Variants in STC2 observed in about 807,000 individuals in gnomAD.
STC2 encodes the protein stanniocalcin-2.
STC2 carries 7 observed loss-of-function variants against 22.7 expected under a neutral mutation model. The observed-to-expected ratio is 0.31, with a 90% CI of 0.18 to 0.58. The LOEUF is 0.58. Among genes scored for constraint, STC2 ranks in the 20% least tolerant of loss-of-function variants. The probability of loss-of-function intolerance (pLI) is 0.89; values close to 1 mark genes in which losing one functional copy is unlikely to be tolerated. For synonymous variants in STC2, 158 were observed against 163.4 expected (o/e 0.97, Z 0.25); for missense variants, 336 against 406.2 (o/e 0.83, Z 1.48).
chr5:173,319,339 G>T (rs545935351), intron 3 of STC2, among the ~76,000 whole-genome samples: 5 of 152,206 alleles, frequency 3.3e-5, no homozygotes, highest in Admixed American at 6.5e-5. Flanking sequence ...CCCCCCAAGG[G>T]GGGTATAGAA....
Position 173,323,118 on chromosome 5 carries a change from A to T in STC2, c.506+101T>A. ...TAAATGGAAGCCTTCTCCATTTGAC[A>T]GGCATTCAGCCTCTAGAAGCAACGC... On this transcript the variant is annotated intron_variant, in intron 3 of 3. Coordinates refer to ENST00000265087, the MANE Select transcript of STC2 (RefSeq NM_003714.3). The surrounding 1 kb of genome is among the most constrained non-coding windows in gnomAD (Gnocchi z 5.4). The T allele has an allele frequency of 9.1e-7, 1 of 1,101,240 alleles. No individual in the cohort carries two copies. The highest frequency in any genetic ancestry group is 1.4e-6 in the Non-Finnish European group (1 of 736,958). The allele number at this position is 1,101,240 out of a possible 1,614,324, so 68.2% of individuals were successfully genotyped here.
Position 173,323,565 on chromosome 5 carries a change from C to A in STC2, c.295-135G>T. On this transcript the variant is annotated intron_variant, in intron 2 of 3. Coordinates refer to ENST00000265087, the MANE Select transcript of STC2 (RefSeq NM_003714.3). The surrounding 1 kb of genome is among the most constrained non-coding windows in gnomAD (Gnocchi z 5.4). The stretch of plus-strand genomic sequence containing the variant: ...CAGAACCCCAAGGCCCCACCAGAGA[C>A]GGACGTCCTCCCAGGTGACAGGCAA... 1.2e-6 allele frequency: 1 copy of A among 843,370 alleles called. No homozygotes were observed. The allele number at this position is 843,370 out of a possible 1,614,324, so 52.2% of individuals were successfully genotyped here. A position where few individuals can be genotyped will look rare whatever the true frequency, so the allele number is the denominator to read the frequency against.
chr5:173,324,024 C>T (rs940820937), intron 2 of STC2: 1 of 155,416 alleles, frequency 6.4e-6, no homozygotes, highest in African/African-American at 2.4e-5. Context: ...CGCTCTTTTC[C>T]TTTTTGAAAA....
rs1055307108 is a variant in STC2 at position 173,316,509 on chromosome 5, G to C, written c.*1338C>G. The C allele has an allele frequency of 6.6e-6, 1 of 152,004 alleles. No individual in the cohort carries two copies. The allele number at this position is 152,004 out of a possible 1,614,324, so 9.4% of individuals were successfully genotyped here. On this transcript the variant is annotated 3_prime_UTR_variant, in exon 4 of 4. Transcript: ENST00000265087. ...AATAACCCAAGAAACCCACTGCTGA[G>C]ACTTTTAATGAAAATCCTCACTCTC... is the stretch of plus-strand genomic sequence containing the variant.
At position 173,315,720 on chromosome 5, in the gene STC2, C is replaced by T. The variant is rs1472744096; in HGVS notation, c.*2127G>A. 2.0e-5 allele frequency: 3 copies of T among 152,232 alleles called. No homozygotes were observed. Among genetic ancestry groups the T allele is most frequent in the Non-Finnish European group, 2.9e-5 (2 of 68,052 alleles). 9.4% of individuals were successfully genotyped at this position (152,232 alleles called of 1,614,324 possible). A position where few individuals can be genotyped will look rare whatever the true frequency, so the allele number is the denominator to read the frequency against. ...AGTCAACGTGCCTGCCGCGGTGGCT[C>T]ACTGCAGGAGACAGCCACGGTTTAC... On this transcript the variant is annotated 3_prime_UTR_variant, in exon 4 of 4. Transcript: ENST00000265087.
chr5:173,323,428 G>T lies in STC2; in HGVS notation c.297C>A (p.Gly99=). The T allele has an allele frequency of 6.2e-7, 1 of 1,608,958 alleles. No homozygotes were observed. Among genetic ancestry groups the T allele is most frequent in the Non-Finnish European group, 8.5e-7 (1 of 1,177,454 alleles). Residue 99 remains glycine, a splice_region_variant and synonymous_variant, in exon 3 of 4, where the codon GGC becomes GGA. Coordinates refer to ENST00000265087, the MANE Select transcript of STC2 (RefSeq NM_003714.3). The surrounding 1 kb of genome is among the most constrained non-coding windows in gnomAD (Gnocchi z 5.4). The part of the protein sequence containing the change: ...LHNAGKFDAQ[G]KSFIKDALKC... ...TCAAGGCGTCTTTGATGAATGACTT[G>T]CCCTGAGAACACACAGGCCGGGGAA... is the stretch of plus-strand genomic sequence containing the variant.
chr5:173,320,720 G>T (rs1762474634), intron 3 of STC2, among the ~76,000 whole-genome samples: 1 of 150,196 alleles, frequency 6.7e-6, no homozygotes, highest in African/African-American at 2.5e-5. Context: ...GTGTGGATGG[G>T]GGTTGGGTTG....
chr5:173,323,968 C>A lies in STC2; in HGVS notation c.295-538G>T, dbSNP rs1377818987. ...TCCCTTTCTGCCTCCGTGCCTCCCACGCCCCAAATCCATACCCTTGTCTCC... is the reference window on the plus strand; with the variant it reads ...TCCCTTTCTGCCTCCGTGCCTCCCAAGCCCCAAATCCATACCCTTGTCTCC... On this transcript the variant is annotated intron_variant, in intron 2 of 3. Transcript: ENST00000265087. This position sits in a 1 kb window ranked among gnomAD's most constrained non-coding sequence, Gnocchi z 5.4. 1 of 167,620 alleles carries A rather than the reference C, an allele frequency of 6.0e-6. No homozygotes were observed. Among genetic ancestry groups the A allele is most frequent in the Non-Finnish European group, 1.3e-5 (1 of 76,862 alleles). The allele number at this position is 167,620 out of a possible 1,614,324, so 10.4% of individuals were successfully genotyped here. A position where few individuals can be genotyped will look rare whatever the true frequency, so the allele number is the denominator to read the frequency against.
At chr5:173,318,818 C>T (rs572508911) in intron 3 of STC2, among the ~76,000 whole-genome samples, 1 of 152,292 alleles carries the variant, frequency 6.6e-6, no homozygotes, top group East Asian at 1.9e-4. Flanking sequence ...GTTTAGGCTT[C>T]TGATGAAGAA....
rs757868692 is a variant in STC2 at position 173,323,479 on chromosome 5, A to G, written c.295-49T>C. 3.3e-6 allele frequency: 5 copies of G among 1,508,342 alleles called. No individual in the cohort carries two copies. The Admixed American group carries it at 7.7e-5, about 23-fold the overall frequency. The allele number at this position is 1,508,342 out of a possible 1,614,324, so 93.4% of individuals were successfully genotyped here. A position where few individuals can be genotyped will look rare whatever the true frequency, so the allele number is the denominator to read the frequency against. On this transcript the variant is annotated intron_variant, in intron 2 of 3. Transcript: ENST00000265087. The surrounding 1 kb of genome is among the most constrained non-coding windows in gnomAD (Gnocchi z 5.4). ...GGGAGAGAGGGGCAGAAAGCAGAAG[A>G]CCTCGTTACATGCTTGGACATTTCA...
Position 173,323,146 on chromosome 5 carries a change from C to T in STC2, c.506+73G>A. ...CATTCAGCCTCTAGAAGCAACGCGG[C>T]TCTCCTCCCATACACATTGCCATCC... On this transcript the variant is annotated intron_variant, in intron 3 of 3. Transcript: ENST00000265087. This position sits in a 1 kb window ranked among gnomAD's most constrained non-coding sequence, Gnocchi z 5.4. 6.8e-7 allele frequency: 1 copy of T among 1,469,878 alleles called. No homozygotes were observed. Among genetic ancestry groups the T allele is most frequent in the Non-Finnish European group, 9.5e-7 (1 of 1,053,970 alleles). 91.1% of individuals were successfully genotyped at this position (1,469,878 alleles called of 1,614,324 possible).
intron 1 of STC2, among the ~76,000 whole-genome samples, chr5:173,327,829 CA>C (rs1561644851): frequency 6.6e-6 from 1 of 152,246 alleles, no homozygotes; most frequent in Non-Finnish European, 1.5e-5. Flanking sequence ...CCAGCCATTT[CA>C]TCACCCTGCT....
rs1762535311 is a variant in STC2 at position 173,325,471 on chromosome 5, C to T, written c.294+397G>A. Among the ~76,000 whole-genome samples the T allele has an allele frequency of 6.6e-6, 1 of 152,156 alleles. No homozygotes were observed. The stretch of plus-strand genomic sequence containing the variant: ...GTCCTGAGTTATTCGGGTTGGCTGC[C>T]CACACACCACATGACGGATTTCTAC... On this transcript the variant is annotated intron_variant, in intron 2 of 3. Coordinates refer to ENST00000265087, the MANE Select transcript of STC2 (RefSeq NM_003714.3). The surrounding 1 kb of genome is among the most constrained non-coding windows in gnomAD (Gnocchi z 4.7).
intron 1 of STC2, among the ~76,000 whole-genome samples, chr5:173,326,269 T>A (rs1280138074): frequency 6.6e-6 from 1 of 152,226 alleles, no homozygotes; most frequent in Non-Finnish European, 1.5e-5. Flanking sequence ...AAGGCTGGTC[T>A]GAGCATTCCT....
At chr5:173,322,551 T>C (rs538092874) in intron 3 of STC2, among the ~76,000 whole-genome samples, 1 of 152,344 alleles carries the variant, frequency 6.6e-6, no homozygotes, top group East Asian at 1.9e-4. Flanking sequence ...AGGGCACTAA[T>C]GTATGAGAGA....
In STC2 at chr5:173,317,940, G is replaced by C. The variant is rs763092739; in HGVS notation, c.816C>G (p.Ala272=). The C allele has an allele frequency of 1.4e-5, 22 of 1,613,366 alleles. No individual in the cohort carries two copies. In the South Asian group the frequency reaches 2.1e-4, roughly 15 times the overall value. Residue 272 remains alanine, a synonymous_variant, in exon 4 of 4, where the codon GCC becomes GCG. Coordinates refer to ENST00000265087, the MANE Select transcript of STC2 (RefSeq NM_003714.3). ...RGSKSHPNAH[A]RGRVGGLGAQ... ...CCCCAAGGCCCCCGACTCTGCCTCG[G>C]GCATGGGCGTTTGGGTGGCTCTTGC...
chr5:173,321,996 T>C (rs1006483691), intron 3 of STC2, among the ~76,000 whole-genome samples: 1 of 152,220 alleles, frequency 6.6e-6, no homozygotes, highest in African/African-American at 2.4e-5. Flanking sequence ...AATTGTATGA[T>C]TCTAACACTG....
At chr5:173,322,487 T>TAGA (rs141643318) in intron 3 of STC2, among the ~76,000 whole-genome samples, 1 of 152,382 alleles carries the variant, frequency 6.6e-6, no homozygotes, top group African/African-American at 2.4e-5. Context: ...TGTTTTGGCA[T>TAGA]AGAAGTGTTT....
Position 173,317,135 on chromosome 5 carries a change from G to A in STC2, c.*712C>T, listed in dbSNP as rs571764274. On this transcript the variant is annotated 3_prime_UTR_variant, in exon 4 of 4. Transcript: ENST00000265087. ...CTGGATAAATAAAAAAAGTGAAATC[G>A]AGATTTGAAGCAGTGGTTAAAATAT... 19 of 152,378 alleles carry A rather than the reference G, an allele frequency of 1.2e-4. No individual in the cohort carries two copies. The highest frequency in any genetic ancestry group is 2.0e-4 in the Admixed American group (3 of 15,266). 9.4% of individuals were successfully genotyped at this position (152,378 alleles called of 1,614,324 possible).
Sources: allele counts gnomAD v4.1 joint callset (sites outside exome capture counted in the v4.1 genomes callset), GRCh38; gene constraint gnomAD v4.1.1; non-coding constraint Gnocchi (gnomAD v3.1); transcripts MANE v1.5; gene names NCBI Gene and HGNC (gene_info 2026-07-23, HGNC 2026-07-21).